Variants in TNFSF13B observed in about 807,000 individuals in gnomAD.
TNFSF13B encodes the protein TNF superfamily member 13b.
TNFSF13B carries 8 observed loss-of-function variants against 29.1 expected under a neutral mutation model. That is an observed-to-expected ratio of 0.27 (90% CI 0.16 to 0.50). TNFSF13B has a LOEUF of 0.50. TNFSF13B is among the 20% of genes least tolerant of loss of function. The probability of loss-of-function intolerance (pLI) is 0.98; values close to 1 mark genes in which losing one functional copy is unlikely to be tolerated. For synonymous variants in TNFSF13B, 125 were observed against 130.8 expected, an observed-to-expected ratio of 0.96 and a Z score of 0.30; for missense variants, 248 against 334.9, an observed-to-expected ratio of 0.74 and a Z score of 2.03.
intron 3 of TNFSF13B, among the ~76,000 whole-genome samples, chr13:108,297,007 G>T (rs1242083769): frequency 6.9e-6 from 1 of 145,218 alleles, no homozygotes; most frequent in African/African-American, 2.6e-5. Context: ...CACTTACAAT[G>T]GCTTTTATAT....
intron 3 of TNFSF13B, among the ~76,000 whole-genome samples, chr13:108,292,185 T>C (rs147635452): frequency 3.7e-4 from 56 of 152,202 alleles, no homozygotes; most frequent in African/African-American, 1.3e-3. Flanking sequence ...TCTCTGTGGA[T>C]TCACCTATTT....
chr13:108,285,509 T>G (rs1881100903), intron 2 of TNFSF13B, among the ~76,000 whole-genome samples: 1 of 152,222 alleles, frequency 6.6e-6, no homozygotes, highest in Non-Finnish European at 1.5e-5. Context: ...GTTACTGTAT[T>G]GAATATTGTA....
intron 3 of TNFSF13B, among the ~76,000 whole-genome samples, chr13:108,300,128 T>A (rs1285191759): frequency 6.6e-6 from 1 of 152,164 alleles, no homozygotes; most frequent in African/African-American, 2.4e-5. Flanking sequence ...TAAGAGAATA[T>A]ACTACCTCTA....
At chr13:108,285,215 A>AGG (rs540447199) in intron 2 of TNFSF13B, among the ~76,000 whole-genome samples, 18 of 125,208 alleles carry the variant, frequency 1.4e-4, no homozygotes, top group African/African-American at 5.0e-4. Context: ...AAATACCAAG[A>AGG]ATTTCTTAAC....
intron 2 of TNFSF13B, among the ~76,000 whole-genome samples, chr13:108,277,367 T>C (rs1234129062): frequency 6.6e-6 from 1 of 152,206 alleles, no homozygotes; most frequent in Non-Finnish European, 1.5e-5. Flanking sequence ...CAATCTATTT[T>C]CGCAGCAGTA....
intron 2 of TNFSF13B, among the ~76,000 whole-genome samples, chr13:108,271,866 G>T: frequency 6.6e-6 from 1 of 151,550 alleles, no homozygotes; most frequent in Non-Finnish European, 1.5e-5. Context: ...CATTCTCTTT[G>T]CTATAATACA....
In TNFSF13B at chr13:108,271,341, C is replaced by T. The variant is rs182502352; in HGVS notation, c.424+917C>T. 2.0e-3 allele frequency among the ~76,000 whole-genome samples: 298 copies of T among 151,882 alleles called. 1 individual carries two copies. The Middle Eastern group carries it at 0.031, about 16-fold the overall frequency. ...CTATTTCGTTTAACCTTCACAGTGA[C>T]GCTATGAAGTCCACAGAATACATGC... On this transcript the variant is annotated intron_variant, in intron 2 of 5. Transcript: ENST00000375887.
chr13:108,278,102 G>C lies in TNFSF13B; in HGVS notation c.424+7678G>C, dbSNP rs562016850. ...GACAACTAATTGATAGGAGAGGTAAGGTTTGAATTCATTATCTATTGATTA... is the reference window on the plus strand; with the variant it reads ...GACAACTAATTGATAGGAGAGGTAACGTTTGAATTCATTATCTATTGATTA... On this transcript the variant is annotated intron_variant, in intron 2 of 5. Transcript: ENST00000375887. Among the ~76,000 whole-genome samples the C allele has an allele frequency of 3.3e-5, 5 of 152,220 alleles. No individual in the cohort carries two copies. The South Asian group carries it at 1.0e-3, about 32-fold the overall frequency.
intron 2 of TNFSF13B, among the ~76,000 whole-genome samples, chr13:108,283,930 A>C (rs186676030): frequency 7.8e-4 from 119 of 152,230 alleles, no homozygotes; most frequent in African/African-American, 2.8e-3. Flanking sequence ...TAATAGCATC[A>C]CCTCAGCAGT....
chr13:108,300,682 T>A (rs1881597427), intron 3 of TNFSF13B, among the ~76,000 whole-genome samples: 1 of 152,244 alleles, frequency 6.6e-6, no homozygotes, highest in Non-Finnish European at 1.5e-5. Context: ...GATCTTGTGT[T>A]AACTATTACT....
intron 2 of TNFSF13B, among the ~76,000 whole-genome samples, chr13:108,275,580 G>A (rs73609101): frequency 1.3e-3 from 194 of 152,126 alleles, no homozygotes; most frequent in South Asian, 2.9e-3. Flanking sequence ...AAAATTGTCC[G>A]TATTTCACCT....
intron 3 of TNFSF13B, among the ~76,000 whole-genome samples, chr13:108,297,152 C>T (rs1419358031): frequency 6.9e-6 from 1 of 145,364 alleles, no homozygotes; most frequent in Admixed American, 6.8e-5. Context: ...TGAACTCTCT[C>T]AGTTTTTCTT....
intron 2 of TNFSF13B, among the ~76,000 whole-genome samples, chr13:108,271,942 T>C (rs1226771168): frequency 6.6e-6 from 1 of 152,162 alleles, no homozygotes; most frequent in Non-Finnish European, 1.5e-5. Flanking sequence ...ATAAAATTCA[T>C]ATAGTGGAAT....
At chr13:108,280,028 C>T (rs1230495176) in intron 2 of TNFSF13B, among the ~76,000 whole-genome samples, 4 of 150,760 alleles carry the variant, frequency 2.7e-5, no homozygotes, top group African/African-American at 9.8e-5. Flanking sequence ...CCCATTTCTT[C>T]CACTGGATTG....
rs751332801 is a variant in TNFSF13B, at chr13:108,297,358, T to C, written c.482-5895T>C. ...ATATTTGATGAATTGCCTCTCTTTC[T>C]GCTTTCAAGATCTCCTCCTTGTCAT... On this transcript the variant is annotated intron_variant, in intron 3 of 5. Transcript: ENST00000375887. 1.2e-4 allele frequency among the ~76,000 whole-genome samples: 18 copies of C among 145,870 alleles called. 3 individuals are homozygous for C. The highest frequency in any genetic ancestry group is 2.3e-4 in the Non-Finnish European group (15 of 65,536).
At chr13:108,285,632 T>C (rs1192685280) in intron 2 of TNFSF13B, among the ~76,000 whole-genome samples, 1 of 152,200 alleles carries the variant, frequency 6.6e-6, no homozygotes, top group Admixed American at 6.5e-5. Flanking sequence ...GATATGCAGT[T>C]TCTCATTGAC....
chr13:108,282,272 G>A (rs16972216), intron 2 of TNFSF13B, among the ~76,000 whole-genome samples: 25,772 of 152,080 alleles, frequency 0.17, 2,843 homozygotes, highest in East Asian at 0.42. Flanking sequence ...GTTTTTCATG[G>A]GAGACACATA....
At chr13:108,305,718 A>G (rs550811802) in intron 5 of TNFSF13B, among the ~76,000 whole-genome samples, 1 of 152,266 alleles carries the variant, frequency 6.6e-6, no homozygotes, top group South Asian at 2.1e-4. Context: ...GTCTTTGCCC[A>G]TTACAAAAAA....
intron 3 of TNFSF13B, among the ~76,000 whole-genome samples, chr13:108,291,791 T>C (rs915132454): frequency 5.3e-5 from 8 of 152,042 alleles, no homozygotes; most frequent in Admixed American, 2.6e-4. Context: ...ATTTCAGAAA[T>C]GTATTTGGCT....
Sources: gnomAD v4.1 joint callset for allele counts (sites outside exome capture counted in the v4.1 genomes callset) on GRCh38, gnomAD v4.1.1 for gene constraint, MANE v1.5 for transcripts, NCBI Gene and HGNC (gene_info 2026-07-23, HGNC 2026-07-21) for gene names.